UBAC2: variants seen among roughly 807,000 people sequenced by gnomAD.
UBAC2 encodes ubiquitin-associated domain-containing protein 2.
Under a neutral mutation model 44.0 loss-of-function variants are expected in UBAC2, and 26 were observed. The observed-to-expected ratio is 0.59, with a 90% CI of 0.43 to 0.82. The LOEUF is 0.82. Ranked by LOEUF, UBAC2 falls within the 40% of genes least tolerant of loss-of-function variation. The pLI is 0.00. For synonymous variants in UBAC2, 155 were observed against 154.3 expected, an observed-to-expected ratio of 1.00 and a Z score of -0.04; for missense variants, 329 against 419.4, an observed-to-expected ratio of 0.78 and a Z score of 1.88.
At position 99,367,790 on chromosome 13, in the gene UBAC2, G is replaced by A; in HGVS notation, c.811G>A (p.Gly271Arg). ...QGRRQRQQQG[G>R]MINWNRLFPP... is the part of the protein sequence containing the mutation. ...CTGTGTGTTGATCTCTTTTTAGGGAGGAATGATCAATTGGAATCGTCTTTT... is the reference window on the plus strand; with the variant it reads ...CTGTGTGTTGATCTCTTTTTAGGGAAGAATGATCAATTGGAATCGTCTTTT... The change falls in exon 8 of 9, where the codon GGA becomes AGA. Residue 271 changes from glycine to arginine, a missense_variant. Physicochemically the swap from Gly to Arg is moderately radical, Grantham distance 125 (BLOSUM62 -2). Coordinates refer to ENST00000403766, the MANE Select transcript of UBAC2 (RefSeq NM_001144072.2). 3.7e-6 allele frequency: 6 copies of A among 1,613,926 alleles called. No individual in the cohort carries two copies. The highest frequency in any genetic ancestry group is 5.1e-6 in the Non-Finnish European group (6 of 1,179,870).
chr13:99,314,533 G>A (rs1488754632), intron 5 of UBAC2, among the ~76,000 whole-genome samples: 3 of 151,998 alleles, frequency 2.0e-5, no homozygotes, highest in Non-Finnish European at 4.4e-5. Context: ...AGTATGAAGT[G>A]GAAACAAATG....
intron 4 of UBAC2, among the ~76,000 whole-genome samples, chr13:99,303,109 A>G (rs1024820826): frequency 3.3e-5 from 5 of 152,138 alleles, no homozygotes; most frequent in Admixed American, 2.0e-4. Context: ...CAGCCTGCCA[A>G]CCCCATTGCA....
At chr13:99,352,097 A>G (rs549366630) in intron 7 of UBAC2, among the ~76,000 whole-genome samples, 24 of 152,314 alleles carry the variant, frequency 1.6e-4, no homozygotes, top group African/African-American at 5.5e-4. Flanking sequence ...TGCCCTGTCA[A>G]TCATGAGAGT....
chr13:99,352,175 C>T (rs1784018534), intron 7 of UBAC2, among the ~76,000 whole-genome samples: 1 of 152,024 alleles, frequency 6.6e-6, no homozygotes. Flanking sequence ...TTTACTGGTC[C>T]TTGATGTATT....
intron 7 of UBAC2, among the ~76,000 whole-genome samples, chr13:99,341,963 T>C (rs982457692): frequency 1.3e-5 from 2 of 152,336 alleles, no homozygotes; most frequent in Middle Eastern, 3.4e-3. Context: ...GGGGGAAATA[T>C]GTTGTCTGAG....
chr13:99,252,256 T>C (rs965783644), intron 4 of UBAC2, among the ~76,000 whole-genome samples: 1 of 152,286 alleles, frequency 6.6e-6, no homozygotes, highest in African/African-American at 2.4e-5. Context: ...GTGTTAATTA[T>C]CTCTGTTAGT....
rs553169461 is a variant in UBAC2 at position 99,203,958 on chromosome 13, A to G, written c.31+3019A>G. 9.2e-5 allele frequency among the ~76,000 whole-genome samples: 14 copies of G among 152,328 alleles called. No individual in the cohort carries two copies. The South Asian group carries it at 2.7e-3, about 29-fold the overall frequency. ...TGAAACTATATTGCTGTCTGCAATT[A>G]TGACCGGGTAAAAGTGCGTAGGATT... On this transcript the variant is annotated intron_variant, in intron 1 of 8. Coordinates refer to ENST00000403766, the MANE Select transcript of UBAC2 (RefSeq NM_001144072.2).
chr13:99,255,882 T>C (rs2043545703), intron 4 of UBAC2: 2 of 1,535,346 alleles, frequency 1.3e-6, no homozygotes, highest in East Asian at 2.3e-5. Flanking sequence ...TTTTACAGCT[T>C]GTTGGTAGGC....
intron 1 of UBAC2, among the ~76,000 whole-genome samples, chr13:99,223,923 GCTCCATATGCACTTGAAAAAATGTGTAA>G (rs1231743362): frequency 3.3e-5 from 5 of 152,038 alleles, no homozygotes; most frequent in Admixed American, 2.0e-4. Context: ...TTTGGTGAAT[GCTCCATATGCACTTGAAAAAATGTGTAA>G]CTTGCCGTTG....
At chr13:99,262,928 A>C (rs983431708) in intron 4 of UBAC2, among the ~76,000 whole-genome samples, 1 of 152,114 alleles carries the variant, frequency 6.6e-6, no homozygotes, top group Non-Finnish European at 1.5e-5. Context: ...TATATCTGCC[A>C]TTATTCTTAA....
At chr13:99,283,249 G>A (rs2043976255) in intron 4 of UBAC2, among the ~76,000 whole-genome samples, 1 of 152,144 alleles carries the variant, frequency 6.6e-6, no homozygotes, top group African/African-American at 2.4e-5. Context: ...TGTTATTCCA[G>A]TGTGTAGAAT....
At chr13:99,379,089 T>C (rs2045518307) in intron 8 of UBAC2, among the ~76,000 whole-genome samples, 1 of 152,230 alleles carries the variant, frequency 6.6e-6, no homozygotes, top group Non-Finnish European at 1.5e-5. Flanking sequence ...AGAAAAGATA[T>C]CCCTAGTTAA....
intron 4 of UBAC2, among the ~76,000 whole-genome samples, chr13:99,244,925 C>T (rs1465504474): frequency 1.3e-5 from 2 of 152,002 alleles, no homozygotes; most frequent in Non-Finnish European, 2.9e-5. Context: ...CTCCGCCTCC[C>T]GGGTTCAAGC....
At chr13:99,360,941 C>T (rs1936202342) in intron 7 of UBAC2, among the ~76,000 whole-genome samples, 1 of 152,162 alleles carries the variant, frequency 6.6e-6, no homozygotes, top group Admixed American at 6.6e-5. Context: ...TGTGGACGCT[C>T]GAGTGCCCGA....
intron 1 of UBAC2, among the ~76,000 whole-genome samples, chr13:99,231,011 G>C (rs992103512): frequency 5.9e-5 from 9 of 152,014 alleles, no homozygotes; most frequent in African/African-American, 2.2e-4. Flanking sequence ...TTGTGCCACT[G>C]TACTCCAGCC....
At position 99,215,463 on chromosome 13, in the gene UBAC2, A is replaced by G. The variant is rs1026138702; in HGVS notation, c.31+14524A>G. On this transcript the variant is annotated intron_variant, in intron 1 of 8. Transcript: ENST00000403766. ...ACCAGCAATTGTAGCCTTGATGAGA[A>G]TCCAATTCTTCATCTGCACGAATAG... The G allele has an allele frequency of 1.2e-5, 16 of 1,385,138 alleles. No homozygotes were observed. The African/African-American group carries it at 2.1e-4, about 18-fold the overall frequency. The allele number at this position is 1,385,138 out of a possible 1,614,324, so 85.8% of individuals were successfully genotyped here.
chr13:99,384,163 C>T (rs1324423760), intron 8 of UBAC2, among the ~76,000 whole-genome samples: 4 of 152,268 alleles, frequency 2.6e-5, no homozygotes, highest in African/African-American at 9.6e-5. Context: ...CATGTAGCAC[C>T]AAGTAGCTCG....
intron 7 of UBAC2, chr13:99,356,231 C>T (rs1368973858): frequency 1.9e-6 from 1 of 531,830 alleles, no homozygotes; most frequent in Non-Finnish European, 3.9e-6. Flanking sequence ...ACCTTCTGTC[C>T]TCATTGCCAT....
intron 8 of UBAC2, among the ~76,000 whole-genome samples, chr13:99,383,278 A>G (rs1338898149): frequency 6.6e-6 from 1 of 152,264 alleles, no homozygotes; most frequent in Non-Finnish European, 1.5e-5. Context: ...CAGGTCTCTC[A>G]AATCCTGCCT....
Sources: allele counts gnomAD v4.1 joint callset (sites outside exome capture counted in the v4.1 genomes callset), GRCh38; gene constraint gnomAD v4.1.1; transcripts MANE v1.5; gene names NCBI Gene and HGNC (gene_info 2026-07-23, HGNC 2026-07-21).